Variants in PCDH17 observed in about 807,000 individuals in gnomAD.
PCDH17 encodes the protein protocadherin 17.
PCDH17 carries 21 observed loss-of-function variants against 67.7 expected under a neutral mutation model. The ratio of observed to expected loss-of-function variants is 0.31; its 90% CI spans 0.22 to 0.45. The LOEUF is 0.45. Among genes scored for constraint, PCDH17 ranks in the 20% least tolerant of loss-of-function variants. The probability of loss-of-function intolerance (pLI) is 1.00; values close to 1 mark genes in which losing one functional copy is unlikely to be tolerated. For missense variants in PCDH17, 1,471 were observed against 1,564.8 expected, an observed-to-expected ratio of 0.94 and a Z score of 1.01; for synonymous variants, 701 against 656.7, an observed-to-expected ratio of 1.07 and a Z score of -1.03.
Position 57,725,328 on chromosome 13 carries a change from T to C in PCDH17, c.*34T>C. The C allele has an allele frequency of 6.5e-7, 1 of 1,549,630 alleles. No individual in the cohort carries two copies. On this transcript the variant is annotated 3_prime_UTR_variant, in exon 4 of 4. Transcript: ENST00000377918. ...AAAAAAAAAGGCATTGGCATTTTCT[T>C]GTCTCTTCTGTTGATTTAAAAATGA... is the stretch of plus-strand genomic sequence containing the variant.
intron 3 of PCDH17, among the ~76,000 whole-genome samples, chr13:57,712,357 C>T (rs1352681557): frequency 6.6e-6 from 1 of 151,606 alleles, no homozygotes; most frequent in African/African-American, 2.4e-5. Flanking sequence ...TAGAAGTGTC[C>T]ACATTCTCTG....
chr13:57,717,590 T>C (rs1955830390), intron 3 of PCDH17, among the ~76,000 whole-genome samples: 1 of 151,942 alleles, frequency 6.6e-6, no homozygotes, highest in South Asian at 2.1e-4. Context: ...CACTTGCTTA[T>C]GATATAGGAC....
At chr13:57,678,317 G>A (rs1190557375) in intron 3 of PCDH17, among the ~76,000 whole-genome samples, 1 of 151,582 alleles carries the variant, frequency 6.6e-6, no homozygotes, top group East Asian at 2.0e-4. Context: ...GGAAGATATT[G>A]TTATGGATGA....
At chr13:57,658,058 C>T (rs563207825) in intron 1 of PCDH17, among the ~76,000 whole-genome samples, 21 of 152,082 alleles carry the variant, frequency 1.4e-4, no homozygotes, top group African/African-American at 5.1e-4. Context: ...ATTTGAAATA[C>T]GTATCTTTAT....
chr13:57,711,658 T>C (rs1050567485), intron 3 of PCDH17, among the ~76,000 whole-genome samples: 1 of 151,740 alleles, frequency 6.6e-6, no homozygotes, highest in Admixed American at 6.6e-5. Context: ...ACTATAAAAC[T>C]CTTCAATTTA....
intron 3 of PCDH17, among the ~76,000 whole-genome samples, chr13:57,701,651 C>T (rs1039657801): frequency 2.6e-5 from 4 of 151,950 alleles, no homozygotes; most frequent in Admixed American, 2.0e-4. Context: ...GGTTTGTTTT[C>T]GGTTTTATGT....
intron 3 of PCDH17, among the ~76,000 whole-genome samples, chr13:57,670,869 G>C (rs1344953592): frequency 6.6e-6 from 1 of 151,582 alleles, no homozygotes; most frequent in Admixed American, 6.6e-5. Context: ...CAAATACATC[G>C]CAAAAGTAAT....
chr13:57,708,578 G>A (rs7318860), intron 3 of PCDH17, among the ~76,000 whole-genome samples: 42,831 of 151,554 alleles, frequency 0.28, 6,487 homozygotes, highest in East Asian at 0.54. Context: ...TTTAAAAATA[G>A]GACAGAAACA....
intron 3 of PCDH17, among the ~76,000 whole-genome samples, chr13:57,709,951 A>G (rs1405566665): frequency 6.6e-6 from 1 of 151,950 alleles, no homozygotes; most frequent in Non-Finnish European, 1.5e-5. Context: ...AAAGCTGTAT[A>G]GTGTTAACGG....
chr13:57,656,952 G>A (rs1318865016), intron 1 of PCDH17, among the ~76,000 whole-genome samples: 1 of 152,126 alleles, frequency 6.6e-6, no homozygotes, highest in Non-Finnish European at 1.5e-5. Flanking sequence ...TAACAGGAAT[G>A]TATGGCAGTC....
intron 3 of PCDH17, among the ~76,000 whole-genome samples, chr13:57,669,575 A>C (rs1483355660): frequency 6.6e-6 from 1 of 152,040 alleles, no homozygotes; most frequent in African/African-American, 2.4e-5. Flanking sequence ...TTAGAGGAGG[A>C]GACTACAATT....
At chr13:57,708,496 A>G (rs1955741819) in intron 3 of PCDH17, among the ~76,000 whole-genome samples, 1 of 152,082 alleles carries the variant, frequency 6.6e-6, no homozygotes, top group Non-Finnish European at 1.5e-5. Context: ...TAAATATTAC[A>G]ATAGTCATCA....
intron 1 of PCDH17, among the ~76,000 whole-genome samples, chr13:57,643,055 TG>T (rs1459545737): frequency 1.3e-4 from 20 of 151,750 alleles, no homozygotes; most frequent in Admixed American, 1.3e-3. Flanking sequence ...ATTTTAGCAG[TG>T]TATACTGAGA....
intron 3 of PCDH17, among the ~76,000 whole-genome samples, chr13:57,683,777 C>T (rs61961873): frequency 0.05 from 7,665 of 151,882 alleles, 253 homozygotes; most frequent in Middle Eastern, 0.095. Context: ...AATTTGAATA[C>T]CCAGATAGTA....
chr13:57,688,891 G>A (rs1455763107), intron 3 of PCDH17, among the ~76,000 whole-genome samples: 3 of 152,076 alleles, frequency 2.0e-5, no homozygotes, highest in Admixed American at 2.0e-4. Flanking sequence ...ACAAACATAT[G>A]GAGAAGTTTT....
chr13:57,637,411 C>A (rs371406731), intron 1 of PCDH17, among the ~76,000 whole-genome samples: 1 of 151,592 alleles, frequency 6.6e-6, no homozygotes, highest in East Asian at 1.9e-4. Context: ...TTATGGGGAG[C>A]AGAGTAAATT....
intron 1 of PCDH17, 96 bp downstream of exon 1, chr13:57,635,207 CA>C (rs1764995049): frequency 8.1e-7 from 1 of 1,233,600 alleles, no homozygotes; most frequent in Admixed American, 2.2e-5. Flanking sequence ...CTGCCAGCAG[CA>C]GTGAGGGGGA....
intron 3 of PCDH17, among the ~76,000 whole-genome samples, chr13:57,677,976 G>A (rs1955411285): frequency 6.6e-6 from 1 of 151,688 alleles, no homozygotes. Flanking sequence ...ATAAGTTCAA[G>A]AGATCTTTTG....
In PCDH17 at chr13:57,632,643, A is replaced by G; in HGVS notation, c.97A>G (p.Thr33Ala). 6.2e-7 allele frequency: 1 copy of G among 1,613,264 alleles called. No individual in the cohort carries two copies. The highest frequency in any genetic ancestry group is 1.1e-5 in the South Asian group (1 of 91,092). The stretch of plus-strand genomic sequence containing the variant: ...CGTGCCGGAGGAGCAAGGGGCCGGC[A>G]CGGTGATCGGGAACATCGGCAGGGA... Reference protein sequence around the residue: ...YSVPEEQGAGTVIGNIGRDAR... With the variant: ...YSVPEEQGAGAVIGNIGRDAR... Residue 33 changes from threonine (T) to alanine (A), a missense_variant, in exon 1 of 4, where the codon ACG becomes GCG. Physicochemically the swap from Thr to Ala is moderately conservative, Grantham distance 58. Around this residue, in one of 3 missense-constraint regions of PCDH17, gnomAD observed 1,163 missense variants for 1,230.0 expected, o/e 0.95. Transcript: ENST00000377918.
Sources: allele counts gnomAD v4.1 joint callset (sites outside exome capture counted in the v4.1 genomes callset), GRCh38; gene constraint gnomAD v4.1.1; regional missense constraint gnomAD v4.1.1; transcripts MANE v1.5; gene names NCBI Gene and HGNC (gene_info 2026-07-23, HGNC 2026-07-21).